The following QKI variants were observed in gnomAD, a reference collection of about 807,000 sequenced individuals.
QKI encodes QKI, KH domain containing RNA binding.
A neutral mutation model predicts 39.0 loss-of-function variants in QKI; 10 were observed. The observed-to-expected ratio is 0.26, with a 90% CI of 0.16 to 0.43. The LOEUF (loss-of-function observed/expected upper bound fraction) is 0.43. Ranked by LOEUF, QKI falls within the 20% of genes least tolerant of loss-of-function variation. The pLI is 1.00. For synonymous variants in QKI, 204 were observed against 155.4 expected, an observed-to-expected ratio of 1.31 and a Z score of -2.33; for missense variants, 218 against 428.0, an observed-to-expected ratio of 0.51 and a Z score of 4.33.
At chr6:163,525,644 C>T (rs1230693676) in intron 3 of QKI, among the ~76,000 whole-genome samples, 1 of 152,152 alleles carries the variant, frequency 6.6e-6, no homozygotes, top group African/African-American at 2.4e-5. Context: ...AGATTACAGG[C>T]GTGAGCCACC....
chr6:163,434,479 G>C (rs1582979364), intron 1 of QKI, among the ~76,000 whole-genome samples: 1 of 152,124 alleles, frequency 6.6e-6, no homozygotes, highest in African/African-American at 2.4e-5. Flanking sequence ...ACTTTGGGAG[G>C]CTGAGGCGGG....
In QKI at chr6:163,571,499, C is replaced by T. The variant is rs986336048; in HGVS notation, c.*789C>T. On this transcript the variant is annotated 3_prime_UTR_variant, in exon 8 of 8. Coordinates refer to ENST00000361752, the MANE Select transcript of QKI (RefSeq NM_006775.3). ...GTGTCACATTACTGGGCAAACTGTTCAAGTATTTTTTTTTAAACCTCCCTG... is the reference window on the plus strand; with the variant it reads ...GTGTCACATTACTGGGCAAACTGTTTAAGTATTTTTTTTTAAACCTCCCTG... The T allele has an allele frequency of 2.6e-5, 4 of 151,802 alleles. No individual in the cohort carries two copies. The highest frequency in any genetic ancestry group is 5.9e-5 in the Non-Finnish European group (4 of 67,960). The allele number at this position is 151,802 out of a possible 1,614,324, so 9.4% of individuals were successfully genotyped here. A position where few individuals can be genotyped will look rare whatever the true frequency, so the allele number is the denominator to read the frequency against.
chr6:163,494,781 T>G (rs1186033538), intron 3 of QKI, among the ~76,000 whole-genome samples: 4 of 152,094 alleles, frequency 2.6e-5, no homozygotes, highest in Non-Finnish European at 5.9e-5. Flanking sequence ...TTAGGATTCC[T>G]AACAGCAAGA....
At chr6:163,518,750 A>T (rs1419629206) in intron 3 of QKI, among the ~76,000 whole-genome samples, 1 of 152,172 alleles carries the variant, frequency 6.6e-6, no homozygotes, top group East Asian at 1.9e-4. Flanking sequence ...GCAGACATAG[A>T]GGTTGAGGTT....
At chr6:163,449,183 C>A (rs1790369359) in intron 1 of QKI, among the ~76,000 whole-genome samples, 1 of 152,090 alleles carries the variant, frequency 6.6e-6, no homozygotes, top group Non-Finnish European at 1.5e-5. Flanking sequence ...AATACTGGAG[C>A]CTATTTAAGC....
chr6:163,566,537 A>G, intron 6 of QKI, 184 bp from the exon 7 acceptor site: 1 of 1,437,130 alleles, frequency 7.0e-7, no homozygotes, highest in Non-Finnish European at 9.1e-7. Context: ...TGAATGCAAT[A>G]TTAATAGATG....
chr6:163,479,538 A>G (rs1792904077), intron 3 of QKI, among the ~76,000 whole-genome samples: 1 of 151,966 alleles, frequency 6.6e-6, no homozygotes. Context: ...TGCCCAGCTA[A>G]TTTTTGTATT....
At chr6:163,502,113 A>G (rs1778807489) in intron 3 of QKI, among the ~76,000 whole-genome samples, 1 of 152,128 alleles carries the variant, frequency 6.6e-6, no homozygotes, top group South Asian at 2.1e-4. Context: ...GCTTGAGCTC[A>G]GGAGTTCAAG....
At chr6:163,558,836 A>G (rs577506292) in intron 4 of QKI, among the ~76,000 whole-genome samples, 10 of 152,034 alleles carry the variant, frequency 6.6e-5, no homozygotes, top group Non-Finnish European at 1.0e-4. Context: ...TGCCAACTAA[A>G]TCCTGTGCAT....
chr6:163,422,250 C>T (rs946345645), intron 1 of QKI, among the ~76,000 whole-genome samples: 1 of 152,122 alleles, frequency 6.6e-6, no homozygotes, highest in Non-Finnish European at 1.5e-5. Flanking sequence ...TCCGGCAATC[C>T]TATCAAGTCT....
intron 3 of QKI, among the ~76,000 whole-genome samples, chr6:163,497,711 TCTC>T (rs1778501401): frequency 6.6e-6 from 1 of 152,154 alleles, no homozygotes; most frequent in Admixed American, 6.5e-5. Context: ...TAATTTTTCT[TCTC>T]AGTATAGCTT....
chr6:163,451,605 G>A (rs1435010806), intron 1 of QKI, among the ~76,000 whole-genome samples: 2 of 152,100 alleles, frequency 1.3e-5, no homozygotes, highest in Non-Finnish European at 2.9e-5. Context: ...TGATACTGGG[G>A]ATATTTAGAT....
intron 1 of QKI, among the ~76,000 whole-genome samples, chr6:163,420,701 C>G (rs911760589): frequency 6.6e-6 from 1 of 152,022 alleles, no homozygotes; most frequent in African/African-American, 2.4e-5. Flanking sequence ...AATATTTATA[C>G]CCCTTTAAAA....
chr6:163,535,204 A>G (rs945293250), intron 4 of QKI, 79 bp downstream of exon 4: 11 of 1,381,518 alleles, frequency 8.0e-6, no homozygotes, highest in South Asian at 3.5e-5. Context: ...TAATGTTTAT[A>G]AGGAATAGGT....
intron 6 of QKI, 47 bp from the exon 7 acceptor site, chr6:163,566,674 C>T (rs1335632527): frequency 1.9e-6 from 3 of 1,604,172 alleles, no homozygotes; most frequent in Admixed American, 3.4e-5. Flanking sequence ...TTTTTCCCCC[C>T]TTGTGAATGT....
At chr6:163,509,167 A>G (rs570028312) in intron 3 of QKI, among the ~76,000 whole-genome samples, 10 of 152,230 alleles carry the variant, frequency 6.6e-5, no homozygotes, top group African/African-American at 1.2e-4. Flanking sequence ...CAGTCAATCA[A>G]TCAATGGTAA....
chr6:163,477,284 T>G (rs182144691), intron 2 of QKI, among the ~76,000 whole-genome samples: 1 of 152,272 alleles, frequency 6.6e-6, no homozygotes, highest in African/African-American at 2.4e-5. Context: ...CCCAAAGTGT[T>G]GGGATTACAG....
intron 3 of QKI, among the ~76,000 whole-genome samples, chr6:163,487,036 A>G (rs1320329368): frequency 6.6e-6 from 1 of 152,192 alleles, no homozygotes; most frequent in Admixed American, 6.5e-5. Context: ...TGAAAGAGAG[A>G]AATTAATTCA....
chr6:163,437,748 C>G (rs998267385), intron 1 of QKI, among the ~76,000 whole-genome samples: 5 of 152,112 alleles, frequency 3.3e-5, no homozygotes, highest in African/African-American at 1.2e-4. Context: ...ATTTACATTA[C>G]GGTAATGCAA....
Sources: allele counts gnomAD v4.1 joint callset (sites outside exome capture counted in the v4.1 genomes callset), GRCh38; gene constraint gnomAD v4.1.1; transcripts MANE v1.5; gene names NCBI Gene and HGNC (gene_info 2026-07-23, HGNC 2026-07-21).